The following MIB1 variants were observed in gnomAD, a reference collection of about 807,000 sequenced individuals.
The protein encoded by MIB1 is E3 ubiquitin-protein ligase MIB1.
MIB1 carries 278 observed loss-of-function variants against 124.5 expected under a neutral mutation model. The observed-to-expected ratio is 2.23, with a 90% CI of 2.02 to 2.47. MIB1 has a LOEUF of 2.47. Among genes scored for constraint, MIB1 ranks in the 30% most tolerant of loss-of-function variants. MIB1 has a pLI of 0.00. For missense variants in MIB1, 957 were observed against 1,254.4 expected (o/e 0.76, Z 3.58); for synonymous variants, 446 against 429.4 (o/e 1.04, Z -0.48).
Position 21,740,994 on chromosome 18 carries a change from G to A in MIB1, c.-590G>A, listed in dbSNP as rs1052630640. Among the ~76,000 whole-genome samples, 1 of 152,202 alleles carries A rather than the reference G, an allele frequency of 6.6e-6. No individual in the cohort carries two copies. Among genetic ancestry groups the A allele is most frequent in the Non-Finnish European group, 1.5e-5 (1 of 68,018 alleles). ...CCGGCTGGGACTCTGTGGCGGGGCG[G>A]AGCGCGGCGGCTGGTGCGGGGGCAG... On this transcript the variant is annotated 5_prime_UTR_variant, in exon 1 of 21. Transcript: ENST00000261537.
At chr18:21,775,605 A>C (rs973970373) in intron 4 of MIB1, among the ~76,000 whole-genome samples, 1 of 152,126 alleles carries the variant, frequency 6.6e-6, no homozygotes, top group Admixed American at 6.5e-5. Flanking sequence ...TTAGTTGCCA[A>C]TTTTTATTAT....
intron 7 of MIB1, chr18:21,793,780 T>TAAA (rs2041537029): frequency 6.1e-5 from 1 of 16,282 alleles, no homozygotes; most frequent in African/African-American, 2.0e-4. Flanking sequence ...AGACCCTGTC[T>TAAA]CAAAAAAAAA....
Position 21,803,095 on chromosome 18 carries a change from G to A in MIB1, c.1372-812G>A, listed in dbSNP as rs77202620. 4.4e-4 allele frequency among the ~76,000 whole-genome samples: 67 copies of A among 152,250 alleles called. No homozygotes were observed. In the East Asian group the frequency reaches 0.012, roughly 28 times the overall value. On this transcript the variant is annotated intron_variant, in intron 9 of 20. Coordinates refer to ENST00000261537, the MANE Select transcript of MIB1 (RefSeq NM_020774.4). Reference sequence around the variant, plus strand: ...CCTGTTCTCTCTAAAGTCAGATAATGCTTTTCCATTTGTTTTCTCTCTTTC... The same window carrying A: ...CCTGTTCTCTCTAAAGTCAGATAATACTTTTCCATTTGTTTTCTCTCTTTC...
chr18:21,789,092 C>A (rs2041471811), intron 6 of MIB1, among the ~76,000 whole-genome samples: 1 of 152,160 alleles, frequency 6.6e-6, no homozygotes, highest in African/African-American at 2.4e-5. Flanking sequence ...GAGATTTATT[C>A]TTTCACAGTA....
intron 2 of MIB1, 114 bp downstream of exon 2, chr18:21,766,057 C>A: frequency 3.2e-6 from 3 of 949,020 alleles, no homozygotes; most frequent in Non-Finnish European, 4.9e-6. Context: ...GGTTTACTAA[C>A]AGGAGGTACC....
At position 21,798,104 on chromosome 18, in the gene MIB1, A is replaced by T. The variant is rs150808998; in HGVS notation, c.1113A>T (p.Arg371=). 6.8e-6 allele frequency: 11 copies of T among 1,612,984 alleles called. No individual in the cohort carries two copies. In the African/African-American group the frequency reaches 1.1e-4, roughly 16 times the overall value. ...AMLPTLGKVG[R]VQQIYSDSDL... Reference sequence around the variant, plus strand: ...CCAAGACTTTAGGTAAAGTTGGCCGAGTACAACAGATTTATTCAGACAGTG... The same window carrying T: ...CCAAGACTTTAGGTAAAGTTGGCCGTGTACAACAGATTTATTCAGACAGTG... The change falls in exon 8 of 21, where the codon CGA becomes CGT. Residue 371 remains arginine, a synonymous_variant. Transcript: ENST00000261537.
chr18:21,753,803 A>G (rs1257832108), intron 1 of MIB1, among the ~76,000 whole-genome samples: 2 of 152,044 alleles, frequency 1.3e-5, no homozygotes, highest in East Asian at 3.9e-4. Context: ...CGATCTCCCA[A>G]GTAGCTGAGA....
At chr18:21,844,496 G>C (rs2146506648) in intron 15 of MIB1, among the ~76,000 whole-genome samples, 1 of 152,204 alleles carries the variant, frequency 6.6e-6, no homozygotes, top group African/African-American at 2.4e-5. Flanking sequence ...CACCCAGGCT[G>C]GAGTGCTTGG....
intron 1 of MIB1, among the ~76,000 whole-genome samples, chr18:21,753,617 A>G (rs2040999745): frequency 2.0e-5 from 3 of 152,136 alleles, no homozygotes; most frequent in African/African-American, 7.2e-5. Context: ...CTGTAGCTCA[A>G]AAAGAGACCT....
At position 21,723,760 on chromosome 18, in the gene MIB1, C is replaced by T. The variant is rs901410600; in HGVS notation, n.167+18637C>T. On this transcript the variant is annotated intron_variant and non_coding_transcript_variant, in intron 1 of 20. Coordinates refer to the MIB1 transcript ENST00000578646. ...CGAACCCCTGACTTCGTGATCCACC[C>T]GCCTCAGCCTCCCAAAGTGTTGGGA... is the stretch of plus-strand genomic sequence containing the variant. Among the ~76,000 whole-genome samples the T allele has an allele frequency of 3.3e-5, 5 of 152,168 alleles. No homozygotes were observed. In the East Asian group the frequency reaches 5.8e-4, roughly 18 times the overall value.
chr18:21,750,587 A>G (rs2040963686), intron 1 of MIB1, among the ~76,000 whole-genome samples: 1 of 152,014 alleles, frequency 6.6e-6, no homozygotes, highest in African/African-American at 2.4e-5. Flanking sequence ...TCGGCCTCCC[A>G]AAGTGCTGGG....
intron 11 of MIB1, among the ~76,000 whole-genome samples, chr18:21,816,561 T>C (rs2041831286): frequency 6.6e-6 from 1 of 152,230 alleles, no homozygotes; most frequent in African/African-American, 2.4e-5. Context: ...CCTGAAATAC[T>C]ATTTGAATAT....
At chr18:21,710,357 G>A (rs950513189) in intron 1 of MIB1, among the ~76,000 whole-genome samples, 2 of 152,158 alleles carry the variant, frequency 1.3e-5, no homozygotes, top group Admixed American at 1.3e-4. Context: ...GCCTTCCAGA[G>A]TTCTGGGATT....
At chr18:21,739,674 C>T (rs908750067), upstream of MIB1, among the ~76,000 whole-genome samples, 56 of 152,078 alleles carry the variant, frequency 3.7e-4, no homozygotes, top group African/African-American at 1.3e-3. Context: ...CTCAGGAGTT[C>T]GAGACCAGTC....
intron 1 of MIB1, among the ~76,000 whole-genome samples, chr18:21,709,945 T>G (rs1217772819): frequency 6.6e-6 from 1 of 152,168 alleles, no homozygotes; most frequent in Non-Finnish European, 1.5e-5. Context: ...AGCAAATGAG[T>G]GGGGTTTGAA....
chr18:21,724,922 C>A (rs539212602), intron 1 of MIB1, among the ~76,000 whole-genome samples: 16 of 146,556 alleles, frequency 1.1e-4, no homozygotes, highest in Non-Finnish European at 2.3e-4. Flanking sequence ...GAAATCCTGT[C>A]TCTACTAAAA....
intron 14 of MIB1, 117 bp downstream of exon 14, chr18:21,843,334 A>G (rs2042108447): frequency 1.6e-6 from 1 of 612,100 alleles, no homozygotes; most frequent in Non-Finnish European, 2.7e-6. Flanking sequence ...ATAGTTAGAT[A>G]TAAGTAAATC....
intron 15 of MIB1, 144 bp downstream of exon 15, chr18:21,844,397 TA>T: frequency 1.6e-5 from 13 of 808,670 alleles, no homozygotes; most frequent in South Asian, 3.6e-5. Context: ...AACTTAGTAC[TA>T]GTCAGTACTA....
intron 10 of MIB1, among the ~76,000 whole-genome samples, chr18:21,815,016 T>TAC (rs2041813602): frequency 1.5e-4 from 3 of 19,900 alleles, no homozygotes; most frequent in African/African-American, 5.4e-4. Flanking sequence ...TGGTTTTATA[T>TAC]ATATATATAT....
Sources: gnomAD v4.1 joint callset for allele counts (sites outside exome capture counted in the v4.1 genomes callset) on GRCh38, gnomAD v4.1.1 for gene constraint, MANE v1.5 for transcripts, NCBI Gene and HGNC (gene_info 2026-07-23, HGNC 2026-07-21) for gene names.